ROCK1: variants seen among roughly 807,000 people sequenced by gnomAD.
ROCK1 encodes rho-associated protein kinase 1.
ROCK1 carries 36 observed loss-of-function variants against 196.8 expected under a neutral mutation model. The observed-to-expected ratio is 0.18, with a 90% confidence interval of 0.14 to 0.24. The LOEUF is 0.24. ROCK1 is among the 10% of genes least tolerant of loss of function. The pLI, the probability that ROCK1 is intolerant of heterozygous loss-of-function variation, is 1.00. For missense variants in ROCK1, 920 were observed against 1,562.0 expected (o/e 0.59, Z 6.93); for synonymous variants, 443 against 515.9 (o/e 0.86, Z 1.91).
chr18:21,027,098 C>A (rs2035964963), intron 10 of ROCK1, among the ~76,000 whole-genome samples: 1 of 152,082 alleles, frequency 6.6e-6, no homozygotes, highest in Non-Finnish European at 1.5e-5. Context: ...GCCACGACAC[C>A]TGGCTAATTT....
intron 22 of ROCK1, among the ~76,000 whole-genome samples, chr18:20,973,346 C>T (rs2035448331): frequency 6.6e-6 from 1 of 151,908 alleles, no homozygotes; most frequent in African/African-American, 2.4e-5. Flanking sequence ...GGCGCAATCT[C>T]GGCACACTGC....
At chr18:20,960,373 C>T (rs1171618923) in intron 27 of ROCK1, among the ~76,000 whole-genome samples, 167 bp from the exon 28 acceptor site, 1 of 152,020 alleles carries the variant, frequency 6.6e-6, no homozygotes, top group Non-Finnish European at 1.5e-5. Flanking sequence ...ACTTTAATGG[C>T]CATACAAATA....
intron 1 of ROCK1, among the ~76,000 whole-genome samples, chr18:21,095,805 TA>T: frequency 6.6e-6 from 1 of 151,894 alleles, no homozygotes; most frequent in East Asian, 1.9e-4. Context: ...CTATAGTCAA[TA>T]ATAATTTAAT....
At chr18:21,105,964 CAGGAAGATAATTTAAA>C (rs1222984967) in intron 1 of ROCK1, among the ~76,000 whole-genome samples, 1 of 152,044 alleles carries the variant, frequency 6.6e-6, no homozygotes, top group East Asian at 1.9e-4. Flanking sequence ...CAAGAGAGCC[CAGGAAGATAATTTAAA>C]GGAAGAAAAA....
At chr18:21,022,847 T>C (rs2035925442) in intron 11 of ROCK1, among the ~76,000 whole-genome samples, 1 of 152,144 alleles carries the variant, frequency 6.6e-6, no homozygotes, top group South Asian at 2.1e-4. Context: ...AAATATGGTG[T>C]GTGTGTATAT....
chr18:20,956,181 A>AAGAGAAAGAG (rs1363605529), intron 29 of ROCK1, among the ~76,000 whole-genome samples: 1 of 152,104 alleles, frequency 6.6e-6, no homozygotes, highest in Non-Finnish European at 1.5e-5. Context: ...GAGAGAGTGA[A>AAGAGAAAGAG]AGAGAAAGAG....
intron 32 of ROCK1, among the ~76,000 whole-genome samples, 165 bp from the exon 33 acceptor site, chr18:20,951,552 C>CT: frequency 6.6e-6 from 1 of 152,270 alleles, no homozygotes; most frequent in East Asian, 1.9e-4. Flanking sequence ...ACTTAGTATT[C>CT]TCTCCTCTTT....
intron 2 of ROCK1, among the ~76,000 whole-genome samples, chr18:21,063,924 CAA>C (rs199898550): frequency 0.013 from 2,032 of 152,242 alleles, 44 homozygotes; most frequent in African/African-American, 0.043. Context: ...CATCATTCTC[CAA>C]AGTTTCTCTA....
intron 18 of ROCK1, among the ~76,000 whole-genome samples, chr18:20,989,022 T>C (rs1479565949): frequency 6.6e-6 from 1 of 152,090 alleles, no homozygotes; most frequent in East Asian, 1.9e-4. Flanking sequence ...GACAGGCAGG[T>C]GTCAACTTAA....
intron 1 of ROCK1, among the ~76,000 whole-genome samples, chr18:21,099,369 T>C (rs2036638699): frequency 6.6e-6 from 1 of 151,268 alleles, no homozygotes; most frequent in Non-Finnish European, 1.5e-5. Flanking sequence ...AAAAAAAGAG[T>C]AAAGGGAAAA....
intron 16 of ROCK1, 127 bp from the exon 17 acceptor site, chr18:20,993,064 TTAAG>T (rs1239703941): frequency 1.4e-4 from 85 of 589,666 alleles, no homozygotes; most frequent in African/African-American, 1.0e-3. Context: ...TAAGATTTTA[TTAAG>T]TGTTTTCACA....
At chr18:20,997,150 T>TG (rs1418318722) in intron 16 of ROCK1, among the ~76,000 whole-genome samples, 2 of 151,596 alleles carry the variant, frequency 1.3e-5, no homozygotes, top group Admixed American at 1.3e-4. Context: ...TCGAAAGACA[T>TG]GGAGTGGCTG....
At position 20,982,872 on chromosome 18, in the gene ROCK1, C is replaced by T. The variant is rs375936380; in HGVS notation, c.2490-40G>A. On this transcript the variant is annotated intron_variant, in intron 20 of 32. Transcript: ENST00000399799. Reference sequence around the variant, plus strand: ...AAAAACAAGTGAACAAACGCTCCTACTTATACTAGACTTCATTTTTTCTTA... The same window carrying T: ...AAAAACAAGTGAACAAACGCTCCTATTTATACTAGACTTCATTTTTTCTTA... The T allele has an allele frequency of 6.7e-6, 6 of 890,224 alleles. No homozygotes were observed. The African/African-American group carries it at 1.0e-4, about 15-fold the overall frequency. 55.1% of individuals were successfully genotyped at this position (890,224 alleles called of 1,614,324 possible). A position where few individuals can be genotyped will look rare whatever the true frequency, so the allele number is the denominator to read the frequency against.
intron 12 of ROCK1, among the ~76,000 whole-genome samples, chr18:21,015,825 A>C (rs1299429514): frequency 7.2e-5 from 11 of 151,842 alleles, no homozygotes; most frequent in African/African-American, 2.7e-4. Context: ...TTAAAAAAAA[A>C]AAAAATTAGC....
intron 2 of ROCK1, among the ~76,000 whole-genome samples, chr18:21,058,847 G>A (rs1171054350): frequency 1.3e-5 from 2 of 152,226 alleles, no homozygotes; most frequent in African/African-American, 2.4e-5. Context: ...CGAAAGTGCT[G>A]AGATTACAGA....
chr18:20,969,852 C>G (rs1330648230), intron 23 of ROCK1: 2 of 152,210 alleles, frequency 1.3e-5, no homozygotes, highest in African/African-American at 4.8e-5. Context: ...AATCTAACTC[C>G]TCTTTTTAGT....
chr18:21,099,521 A>C (rs2036640476), intron 1 of ROCK1, among the ~76,000 whole-genome samples: 1 of 151,896 alleles, frequency 6.6e-6, no homozygotes, highest in South Asian at 2.1e-4. Context: ...TGGTGGGAGG[A>C]TCCCTTGAGC....
intron 1 of ROCK1, among the ~76,000 whole-genome samples, chr18:21,109,013 A>G (rs2143612878): frequency 6.6e-6 from 1 of 152,326 alleles, no homozygotes; most frequent in South Asian, 2.1e-4. Flanking sequence ...TATTCACGTT[A>G]TCCTCCACTC....
intron 1 of ROCK1, among the ~76,000 whole-genome samples, chr18:21,089,303 ACCCGCCTTGG>A (rs1307038877): frequency 2.0e-5 from 3 of 152,004 alleles, no homozygotes; most frequent in African/African-American, 7.3e-5. Flanking sequence ...CAGGCAATCC[ACCCGCCTTGG>A]CCTCCCAAAA....
Sources: gnomAD v4.1 joint callset for allele counts (sites outside exome capture counted in the v4.1 genomes callset) on GRCh38, gnomAD v4.1.1 for gene constraint, MANE v1.5 for transcripts, NCBI Gene and HGNC (gene_info 2026-07-23, HGNC 2026-07-21) for gene names.